The following NAMPT variants were observed in gnomAD, a reference collection of about 807,000 sequenced individuals.
The protein encoded by NAMPT is nicotinamide phosphoribosyltransferase, also known as NAmPRTase.
NAMPT carries 7 observed loss-of-function variants against 58.7 expected under a neutral mutation model. That is an observed-to-expected ratio of 0.12 (90% CI 0.07 to 0.22). The LOEUF is 0.22. NAMPT is among the 10% of genes least tolerant of loss of function. The pLI is 1.00. For missense variants in NAMPT, 271 were observed against 567.9 expected, an observed-to-expected ratio of 0.48 and a Z score of 5.31; for synonymous variants, 145 against 198.1, an observed-to-expected ratio of 0.73 and a Z score of 2.25.
chr7:106,256,073 T>A (rs1396606197), intron 8 of NAMPT, among the ~76,000 whole-genome samples: 1 of 152,176 alleles, frequency 6.6e-6, no homozygotes, highest in East Asian at 1.9e-4. Flanking sequence ...AGAAAAACAT[T>A]TAATACATGT....
At chr7:106,281,813 T>C (rs1792771613) in intron 1 of NAMPT, among the ~76,000 whole-genome samples, 1 of 152,200 alleles carries the variant, frequency 6.6e-6, no homozygotes, top group African/African-American at 2.4e-5. Context: ...ATATTGCCTC[T>C]TCCCTTAAAA....
At chr7:106,283,060 G>A (rs1792796548) in intron 1 of NAMPT, among the ~76,000 whole-genome samples, 1 of 152,174 alleles carries the variant, frequency 6.6e-6, no homozygotes, top group Admixed American at 6.5e-5. Context: ...ACTGCGGTAA[G>A]CCACTGGTAT....
At chr7:106,264,622 A>C (rs1792374760) in intron 6 of NAMPT, among the ~76,000 whole-genome samples, 1 of 152,074 alleles carries the variant, frequency 6.6e-6, no homozygotes, top group South Asian at 2.1e-4. Flanking sequence ...CAACCTGTGT[A>C]AATATTTGTT....
At chr7:106,281,897 C>A (rs1237855452) in intron 1 of NAMPT, among the ~76,000 whole-genome samples, 1 of 152,128 alleles carries the variant, frequency 6.6e-6, no homozygotes, top group Non-Finnish European at 1.5e-5. Flanking sequence ...TAACTCACAA[C>A]GAGAACACCA....
At chr7:106,255,966 C>A (rs73720615) in intron 8 of NAMPT, among the ~76,000 whole-genome samples, 16 of 152,296 alleles carry the variant, frequency 1.1e-4, no homozygotes, top group African/African-American at 3.8e-4. Context: ...AGAACAGTAT[C>A]ATCTAATATC....
At chr7:106,277,479 A>AAG (rs1181266756) in intron 1 of NAMPT, among the ~76,000 whole-genome samples, 1 of 152,152 alleles carries the variant, frequency 6.6e-6, no homozygotes, top group Non-Finnish European at 1.5e-5. Context: ...CATCCAGGCG[A>AAG]AGAGAGAGAG....
At chr7:106,284,552 C>T in intron 1 of NAMPT, 1 of 171,246 alleles carries the variant, frequency 5.8e-6, no homozygotes, top group Non-Finnish European at 1.2e-5. Flanking sequence ...CGCTGGGGCC[C>T]GCCTCAGCCC....
In NAMPT at chr7:106,267,840, CAAAAAAAAAAAAAAAAAAAAA is replaced by C. The variant is rs769070307; in HGVS notation, c.743+603_743+623del. The stretch of plus-strand genomic sequence containing the variant: ...TGGGCGACAGAGCGAGACTCCGTCT[CAAAAAAAAAAAAAAAAAAAAA>C]AAAAAAAAAAAAAAACAACCTGATT... On this transcript the variant is annotated intron_variant, in intron 6 of 10. Coordinates refer to ENST00000222553, the MANE Select transcript of NAMPT (RefSeq NM_005746.3). Among the ~76,000 whole-genome samples the C allele has an allele frequency of 1.6e-3, 53 of 33,178 alleles. 1 individual carries two copies. The highest frequency in any genetic ancestry group is 0.012 in the Admixed American group (25 of 2,066). 21.8% of individuals were successfully genotyped at this position (33,178 alleles called of 152,430 possible).
intron 1 of NAMPT, among the ~76,000 whole-genome samples, chr7:106,283,227 C>T (rs1365336888): frequency 6.6e-6 from 1 of 151,980 alleles, no homozygotes; most frequent in African/African-American, 2.4e-5. Context: ...TAAATAGGTG[C>T]AAATTCTAAT....
intron 6 of NAMPT, 37 bp from the exon 7 acceptor site, chr7:106,263,654 A>G: frequency 2.0e-6 from 3 of 1,482,970 alleles, no homozygotes; most frequent in Non-Finnish European, 2.8e-6. Context: ...TTACTTAGGC[A>G]GACACTTGAT....
chr7:106,278,172 G>C lies in NAMPT; in HGVS notation c.58-993C>G, dbSNP rs115174382. On this transcript the variant is annotated intron_variant, in intron 1 of 10. Coordinates refer to ENST00000222553, the MANE Select transcript of NAMPT (RefSeq NM_005746.3). The stretch of plus-strand genomic sequence containing the variant: ...TCTCAAGTTCAGGAAAGCCAATGCT[G>C]TCTTTGGGTACACAGTCTCAATCTC... 2.5e-3 allele frequency among the ~76,000 whole-genome samples: 383 copies of C among 152,190 alleles called. 3 individuals carry two copies. Among genetic ancestry groups the C allele is most frequent in the African/African-American group, 8.7e-3 (362 of 41,504 alleles).
chr7:106,281,166 C>A (rs889847729), intron 1 of NAMPT, among the ~76,000 whole-genome samples: 2 of 151,424 alleles, frequency 1.3e-5, no homozygotes, highest in African/African-American at 4.9e-5. Flanking sequence ...CCAACTGTAA[C>A]AAAAAATTAG....
rs1159493228 is a variant in NAMPT, at chr7:106,250,790, T to C, written c.*293A>G. 6.6e-6 allele frequency: 2 copies of C among 302,956 alleles called. No homozygotes were observed. The highest frequency in any genetic ancestry group is 4.4e-5 in the African/African-American group (2 of 45,326). The allele number at this position is 302,956 out of a possible 1,614,324, so 18.8% of individuals were successfully genotyped here. On this transcript the variant is annotated 3_prime_UTR_variant, in exon 11 of 11. Coordinates refer to ENST00000222553, the MANE Select transcript of NAMPT (RefSeq NM_005746.3). ...ATCTGTTTTATGTGATCATCAGTTA[T>C]ATATAAAAGTTTCTCAGTTCTGTTA...
At chr7:106,267,876 A>ACAAAAAAAAAC (rs1792456348) in intron 6 of NAMPT, among the ~76,000 whole-genome samples, 2 of 130,394 alleles carry the variant, frequency 1.5e-5, no homozygotes, top group Non-Finnish European at 3.3e-5. Flanking sequence ...AAAAAAAAAA[A>ACAAAAAAAAAC]CAACCTGATT....
intron 8 of NAMPT, among the ~76,000 whole-genome samples, chr7:106,258,440 A>C (rs1792247996): frequency 1.3e-5 from 2 of 152,214 alleles, no homozygotes; most frequent in African/African-American, 4.8e-5. Flanking sequence ...TCAAAATGTC[A>C]GTGGTTTCTG....
chr7:106,251,524 C>T (rs961410524), intron 10 of NAMPT, among the ~76,000 whole-genome samples: 1 of 151,950 alleles, frequency 6.6e-6, no homozygotes, highest in Admixed American at 6.6e-5. Context: ...TGCCTGGGTG[C>T]CTAGGGAGAA....
chr7:106,263,724 C>G lies in NAMPT; in HGVS notation c.744-107G>C, dbSNP rs940405446. On this transcript the variant is annotated intron_variant, in intron 6 of 10. Coordinates refer to ENST00000222553, the MANE Select transcript of NAMPT (RefSeq NM_005746.3). ...TTACTATACCAAACCATCAACATCA[C>G]AGAGAAGGTGAGTGACTTAGTTTAA... 21 of 845,072 alleles carry G rather than the reference C, an allele frequency of 2.5e-5. No homozygotes were observed. In the African/African-American group the frequency reaches 3.4e-4, roughly 14 times the overall value. The allele number at this position is 845,072 out of a possible 1,614,324, so 52.3% of individuals were successfully genotyped here.
chr7:106,261,278 C>A (rs549970765), intron 8 of NAMPT, among the ~76,000 whole-genome samples: 1 of 152,260 alleles, frequency 6.6e-6, no homozygotes, highest in Non-Finnish European at 1.5e-5. Flanking sequence ...CCTATGCCAG[C>A]AGAGTCAAGG....
intron 3 of NAMPT, among the ~76,000 whole-genome samples, chr7:106,273,720 A>C (rs1201743734): frequency 6.6e-6 from 1 of 152,138 alleles, no homozygotes; most frequent in Non-Finnish European, 1.5e-5. Flanking sequence ...TTATCCTTAC[A>C]ACAAACCTCA....
Sources: allele counts gnomAD v4.1 joint callset (sites outside exome capture counted in the v4.1 genomes callset), GRCh38; gene constraint gnomAD v4.1.1; transcripts MANE v1.5; gene names NCBI Gene and HGNC (gene_info 2026-07-23, HGNC 2026-07-21).